The following RETREG1 variants were observed in gnomAD, a reference collection of about 807,000 sequenced individuals.
RETREG1 encodes the protein family with sequence similarity 134 member B.
Under a neutral mutation model 54.8 loss-of-function variants are expected in RETREG1, and 44 were observed. The observed-to-expected ratio is 0.80, with a 90% CI of 0.63 to 1.03. The LOEUF is 1.03. RETREG1 is among the 50% of genes least tolerant of loss of function. RETREG1 has a pLI of 0.00. For missense variants in RETREG1, 554 were observed against 605.1 expected (o/e 0.92, Z 0.89); for synonymous variants, 217 against 238.5 (o/e 0.91, Z 0.83).
rs1421774599 is a variant in RETREG1, at chr5:16,585,311, T to A, written c.321-13209A>T. Among the ~76,000 whole-genome samples the A allele has an allele frequency of 2.0e-5, 3 of 152,074 alleles. No homozygotes were observed. The highest frequency in any genetic ancestry group is 4.4e-5 in the Non-Finnish European group (3 of 68,010). On this transcript the variant is annotated intron_variant, in intron 1 of 8. Transcript: ENST00000306320. This position sits in a 1 kb window ranked among gnomAD's most constrained non-coding sequence, Gnocchi z 4.5. ...TGTATTCTGTTTGCGTTCTTGTGCCTAAAGAGTAGGAGAAACCAAGGGCAT... is the reference window on the plus strand; with the variant it reads ...TGTATTCTGTTTGCGTTCTTGTGCCAAAAGAGTAGGAGAAACCAAGGGCAT...
chr5:16,538,886 A>G (rs2126604155), intron 3 of RETREG1, among the ~76,000 whole-genome samples: 1 of 152,214 alleles, frequency 6.6e-6, no homozygotes, highest in South Asian at 2.1e-4. Flanking sequence ...TTGTATTTTT[A>G]GTAGAAACGG....
At chr5:16,492,234 C>T (rs1739280257) in intron 3 of RETREG1, among the ~76,000 whole-genome samples, 1 of 149,356 alleles carries the variant, frequency 6.7e-6, no homozygotes, top group African/African-American at 2.5e-5. Context: ...CTCTCTCACA[C>T]ACACACACAC....
chr5:16,533,051 CT>C (rs36058243), intron 3 of RETREG1, among the ~76,000 whole-genome samples: 63,122 of 148,208 alleles, frequency 0.43, 14,223 homozygotes, highest in Non-Finnish European at 0.52. Context: ...ATAATATGAA[CT>C]TTTTTTTTTT....
intron 3 of RETREG1, among the ~76,000 whole-genome samples, chr5:16,535,320 A>G (rs546949516): frequency 3.0e-4 from 46 of 151,580 alleles, no homozygotes; most frequent in African/African-American, 1.0e-3. Context: ...TGGGAGTTGG[A>G]GTTCCTGTGT....
intron 1 of RETREG1, among the ~76,000 whole-genome samples, chr5:16,582,388 C>A (rs1450731678): frequency 7.0e-6 from 1 of 142,142 alleles, no homozygotes; most frequent in Admixed American, 6.7e-5. Context: ...TTTTTTATTT[C>A]TCCTATTTTT....
intron 1 of RETREG1, among the ~76,000 whole-genome samples, chr5:16,573,180 CAAAAAAAAAAAAAAAA>C (rs11303408): frequency 6.6e-5 from 3 of 45,146 alleles, no homozygotes; most frequent in East Asian, 2.2e-3. Context: ...GATTCTGTCT[CAAAAAAAAAAAAAAAA>C]AAAAAAAAAA....
chr5:16,519,794 G>T (rs1740473153), intron 3 of RETREG1, among the ~76,000 whole-genome samples: 1 of 152,164 alleles, frequency 6.6e-6, no homozygotes, highest in Admixed American at 6.5e-5. Context: ...TCCGTGCCTG[G>T]ATAGGCCACA....
At chr5:16,555,962 G>T (rs991891) in intron 3 of RETREG1, among the ~76,000 whole-genome samples, 124,920 of 152,126 alleles carry the variant, frequency 0.82, 51,284 homozygotes, top group Middle Eastern at 0.87. Flanking sequence ...TATTCTAGCC[G>T]AGTTATTTTC....
rs1441609060 is a variant in RETREG1 at position 16,480,983 on chromosome 5, T to G, written c.670+26A>C. ...GGTGATACCATATGCATCACAACAC[T>G]TAGCCATATGTTCTACTATACTTAC... On this transcript the variant is annotated intron_variant, in intron 5 of 8. Transcript: ENST00000306320. 3 of 1,517,116 alleles carry G rather than the reference T, an allele frequency of 2.0e-6. No homozygotes were observed. In the South Asian group the frequency reaches 3.4e-5, roughly 17 times the overall value. 94.0% of individuals were successfully genotyped at this position (1,517,116 alleles called of 1,614,324 possible).
intron 3 of RETREG1, among the ~76,000 whole-genome samples, chr5:16,551,129 C>G (rs745427867): frequency 5.8e-5 from 4 of 69,346 alleles, no homozygotes; most frequent in Admixed American, 1.9e-4. Context: ...CCATGCTACT[C>G]TTTTCCCGGT....
chr5:16,474,669 C>CCT lies in RETREG1; in HGVS notation c.*71_*72insAG. 1 of 1,264,830 alleles carries CCT rather than the reference C, an allele frequency of 7.9e-7. No individual in the cohort carries two copies. Among genetic ancestry groups the CCT allele is most frequent in the South Asian group, 1.5e-5 (1 of 67,744 alleles). The allele number at this position is 1,264,830 out of a possible 1,614,324, so 78.4% of individuals were successfully genotyped here. ...CTTACAGTTCAATTTTTTTCTTTTC[C>CCT]TTTTTTTTTTTTTTTTCTTGTTTGA... On this transcript the variant is annotated 3_prime_UTR_variant, in exon 9 of 9. Transcript: ENST00000306320.
chr5:16,498,240 A>C (rs1432796477), intron 3 of RETREG1, among the ~76,000 whole-genome samples: 1 of 152,202 alleles, frequency 6.6e-6, no homozygotes, highest in Non-Finnish European at 1.5e-5. Flanking sequence ...GTACTTACAC[A>C]AACCTGGATG....
At chr5:16,550,522 C>G (rs1338015383) in intron 3 of RETREG1, among the ~76,000 whole-genome samples, 1 of 152,184 alleles carries the variant, frequency 6.6e-6, no homozygotes, top group Non-Finnish European at 1.5e-5. Flanking sequence ...AACTCTGCCC[C>G]CTTGTGGCAG....
At chr5:16,534,594 C>T (rs934547794) in intron 3 of RETREG1, among the ~76,000 whole-genome samples, 2 of 152,218 alleles carry the variant, frequency 1.3e-5, no homozygotes, top group Admixed American at 1.3e-4. Flanking sequence ...GTGAATGAAT[C>T]AGAAGGGGTA....
rs375825002 is a variant in RETREG1 at position 16,478,926 on chromosome 5, G to A, written c.732C>T (p.Ser244=). ...GTTTCAGCAGAACTGACTTAATTTT[G>A]CTGTAAATTTTTTGTCCAATATCAT... ...KCNDIGQKIY[S]KIKSVLLKLD... is the part of the protein sequence containing the mutation. Residue 244 remains serine (S), a synonymous_variant, in exon 6 of 9, where the codon AGC becomes AGT. Transcript: ENST00000306320. 1 of 1,611,866 alleles carries A rather than the reference G, an allele frequency of 6.2e-7. No homozygotes were observed. Among genetic ancestry groups the A allele is most frequent in the Non-Finnish European group, 8.5e-7 (1 of 1,178,592 alleles).
At chr5:16,604,985 C>T (rs558862764) in intron 1 of RETREG1, among the ~76,000 whole-genome samples, 12 of 152,190 alleles carry the variant, frequency 7.9e-5, no homozygotes, top group African/African-American at 2.9e-4. Flanking sequence ...GACTACAATA[C>T]TAAAACTAGT....
chr5:16,517,819 C>A (rs1481861987), intron 3 of RETREG1, among the ~76,000 whole-genome samples: 1 of 152,114 alleles, frequency 6.6e-6, no homozygotes, highest in Non-Finnish European at 1.5e-5. Context: ...AAATCACACA[C>A]ACAAAATTTA....
At chr5:16,514,168 G>A (rs1740271474) in intron 3 of RETREG1, among the ~76,000 whole-genome samples, 1 of 152,186 alleles carries the variant, frequency 6.6e-6, no homozygotes, top group African/African-American at 2.4e-5. Flanking sequence ...AGGAGATCAT[G>A]GGTGCTTTTG....
At chr5:16,557,145 C>T (rs909967541) in intron 3 of RETREG1, among the ~76,000 whole-genome samples, 5 of 152,128 alleles carry the variant, frequency 3.3e-5, no homozygotes, top group African/African-American at 1.2e-4. Context: ...TTTAGTGTCT[C>T]AAGAAATATA....
Sources: allele counts gnomAD v4.1 joint callset (sites outside exome capture counted in the v4.1 genomes callset), GRCh38; gene constraint gnomAD v4.1.1; non-coding constraint Gnocchi (gnomAD v3.1); transcripts MANE v1.5; gene names NCBI Gene and HGNC (gene_info 2026-07-23, HGNC 2026-07-21).